ARID1B: variants seen among roughly 807,000 people sequenced by gnomAD.
The protein encoded by ARID1B is AT-rich interactive domain-containing protein 1B.
In ARID1B, 30 loss-of-function variants were observed where a neutral mutation model predicts 212.3. The ratio of observed to expected loss-of-function variants is 0.14; its 90% CI spans 0.11 to 0.19. The LOEUF is 0.19. Among genes scored for constraint, ARID1B ranks in the 10% least tolerant of loss-of-function variants. ARID1B has a pLI of 1.00. For missense variants in ARID1B, 2,891 were observed against 3,204.0 expected (o/e 0.90, Z 2.36); for synonymous variants, 1,402 against 1,301.7 (o/e 1.08, Z -1.66).
rs74550124 is a variant in ARID1B, at chr6:157,094,229, C to T, written c.2491+9324C>T. On this transcript the variant is annotated intron_variant, in intron 5 of 19. Transcript: ENST00000636930. This position sits in a 1 kb window ranked among gnomAD's most constrained non-coding sequence, Gnocchi z 4.3. ...TTAGTATTGTGCTTAGTGTGTTGGG[C>T]GGCGAACACCAGGAAATCAGTGTAG... Among the ~76,000 whole-genome samples the T allele has an allele frequency of 4.3e-3, 649 of 152,146 alleles. 33 individuals are homozygous for T. In the East Asian group the frequency reaches 0.1, roughly 24 times the overall value.
chr6:157,113,536 G>A lies in ARID1B; in HGVS notation c.2581+2975G>A, dbSNP rs192150132. ...ATGGCAGGAGCAAGAGGAAGAGAGC[G>A]AAAGGGGAGGTGCTACAAACTTTTA... On this transcript the variant is annotated intron_variant, in intron 6 of 19. Transcript: ENST00000636930. Among the ~76,000 whole-genome samples, 300 of 152,304 alleles carry A rather than the reference G, an allele frequency of 2.0e-3. 3 individuals carry two copies. Among genetic ancestry groups the A allele is most frequent in the African/African-American group, 6.9e-3 (288 of 41,564 alleles).
At chr6:157,113,820 A>C (rs1202937832) in intron 6 of ARID1B, among the ~76,000 whole-genome samples, 1 of 152,250 alleles carries the variant, frequency 6.6e-6, no homozygotes, top group Non-Finnish European at 1.5e-5. Context: ...TTACGTTAGA[A>C]GATGCTTTGC....
chr6:157,109,419 T>A (rs546668145), intron 5 of ARID1B, among the ~76,000 whole-genome samples: 13 of 152,144 alleles, frequency 8.5e-5, no homozygotes, highest in African/African-American at 2.9e-4. Context: ...GCAATGTTCT[T>A]TATGTGTGTG....
intron 1 of ARID1B, among the ~76,000 whole-genome samples, chr6:156,819,364 A>G (rs1782195304): frequency 6.6e-6 from 1 of 152,210 alleles, no homozygotes; most frequent in African/African-American, 2.4e-5. Flanking sequence ...AATATATTCT[A>G]TTACTATTTT....
At chr6:156,813,339 C>T (rs1234740650) in intron 1 of ARID1B, among the ~76,000 whole-genome samples, 7 of 150,972 alleles carry the variant, frequency 4.6e-5, no homozygotes, top group African/African-American at 1.7e-4. Flanking sequence ...GTCTCGAACT[C>T]CTGAGCTAGG....
rs959843564 is a variant in ARID1B at position 156,994,224 on chromosome 6, C to G, written c.2247+58648C>G. On this transcript the variant is annotated intron_variant, in intron 4 of 19. Transcript: ENST00000636930. ...TAGAATGGGTCACCTATTTACAGTC[C>G]CTGTAGATCCTTGAACTCTGTTTAC... 3.3e-5 allele frequency among the ~76,000 whole-genome samples: 5 copies of G among 152,184 alleles called. No homozygotes were observed. The East Asian group carries it at 9.7e-4, about 29-fold the overall frequency.
intron 8 of ARID1B, among the ~76,000 whole-genome samples, chr6:157,157,833 G>A (rs539644009): frequency 4.6e-5 from 7 of 152,162 alleles, no homozygotes; most frequent in African/African-American, 1.7e-4. Flanking sequence ...AAGCAGCCTG[G>A]GCAACGTAGT....
At chr6:157,007,221 A>G (rs554606542) in intron 4 of ARID1B, among the ~76,000 whole-genome samples, 2 of 152,372 alleles carry the variant, frequency 1.3e-5, no homozygotes, top group East Asian at 1.9e-4. Context: ...GACTAAAGAT[A>G]ATTGTTACTA....
chr6:156,884,592 C>T (rs1787359030), intron 2 of ARID1B, among the ~76,000 whole-genome samples: 1 of 152,150 alleles, frequency 6.6e-6, no homozygotes, highest in African/African-American at 2.4e-5. Flanking sequence ...GCCCAAACTC[C>T]AGCAGTTGGT....
intron 2 of ARID1B, among the ~76,000 whole-genome samples, chr6:156,842,726 A>G (rs1026622076): frequency 3.3e-5 from 5 of 152,232 alleles, no homozygotes; most frequent in African/African-American, 1.2e-4. Context: ...TACACTAGAA[A>G]CAGGATTTTA....
At position 157,107,280 on chromosome 6, in the gene ARID1B, G is replaced by GA. The variant is rs1220223845; in HGVS notation, c.2492-3186dup. On this transcript the variant is annotated intron_variant, in intron 5 of 19. Transcript: ENST00000636930. ...CTAAATGAAATGTGGGATGATCCCA[G>GA]AAAAAAGACATGACGCGGAAAAATG... is the stretch of plus-strand genomic sequence containing the variant. 4.6e-5 allele frequency among the ~76,000 whole-genome samples: 7 copies of GA among 152,138 alleles called. No individual in the cohort carries two copies. In the East Asian group the frequency reaches 5.8e-4, roughly 13 times the overall value.
intron 6 of ARID1B, among the ~76,000 whole-genome samples, chr6:157,115,579 A>G (rs1787271792): frequency 6.6e-6 from 1 of 152,138 alleles, no homozygotes; most frequent in Non-Finnish European, 1.5e-5. Context: ...GGTGCCCGCC[A>G]CCACGCCCGG....
intron 6 of ARID1B, among the ~76,000 whole-genome samples, chr6:157,116,927 G>A (rs768268558): frequency 2.0e-5 from 3 of 152,056 alleles, no homozygotes; most frequent in Non-Finnish European, 2.9e-5. Flanking sequence ...GGCGAGTTGT[G>A]TATTTTCTCT....
At position 156,829,682 on chromosome 6, in the gene ARID1B, A is replaced by T. The variant is rs1413385000; in HGVS notation, c.1986+261A>T. The T allele has an allele frequency of 2.4e-5, 9 of 378,230 alleles. No homozygotes were observed. In the Admixed American group the frequency reaches 2.9e-4, roughly 12 times the overall value. 23.4% of individuals were successfully genotyped at this position (378,230 alleles called of 1,614,324 possible). Reference sequence around the variant, plus strand: ...TATTTGATAGGTGCACTGTGTCATAAATTTGCAGCAGGTTATAACAGATGT... The same window carrying T: ...TATTTGATAGGTGCACTGTGTCATATATTTGCAGCAGGTTATAACAGATGT... On this transcript the variant is annotated intron_variant, in intron 2 of 19. Transcript: ENST00000636930.
chr6:156,825,321 A>C (rs1295459392), intron 1 of ARID1B, among the ~76,000 whole-genome samples: 2 of 152,238 alleles, frequency 1.3e-5, no homozygotes, highest in Non-Finnish European at 2.9e-5. Context: ...AAAATTAAAT[A>C]ATTTGCACTG....
intron 1 of ARID1B, among the ~76,000 whole-genome samples, chr6:156,811,502 G>A (rs955153094): frequency 1.3e-5 from 2 of 152,182 alleles, no homozygotes; most frequent in Non-Finnish European, 2.9e-5. Flanking sequence ...CTGGCAGTCC[G>A]AGATCAAGGT....
chr6:156,839,145 G>A (rs1206155270), intron 2 of ARID1B, among the ~76,000 whole-genome samples: 1 of 152,130 alleles, frequency 6.6e-6, no homozygotes, highest in East Asian at 1.9e-4. Context: ...GATGGTTAGT[G>A]TCTTAGTTTC....
chr6:157,156,134 G>A (rs1790559571), intron 8 of ARID1B, among the ~76,000 whole-genome samples: 2 of 152,172 alleles, frequency 1.3e-5, no homozygotes, highest in Non-Finnish European at 2.9e-5. Context: ...AATGTGTCAA[G>A]CCCCAGTTGT....
chr6:156,916,447 C>G (rs1582942732), intron 3 of ARID1B, among the ~76,000 whole-genome samples: 1 of 152,114 alleles, frequency 6.6e-6, no homozygotes, highest in Non-Finnish European at 1.5e-5. Context: ...TAAAAAGCAT[C>G]TATTTTTATG....
Sources: allele counts gnomAD v4.1 joint callset (sites outside exome capture counted in the v4.1 genomes callset), GRCh38; gene constraint gnomAD v4.1.1; non-coding constraint Gnocchi (gnomAD v3.1); transcripts MANE v1.5; gene names NCBI Gene and HGNC (gene_info 2026-07-23, HGNC 2026-07-21).